The following TNPO1 variants were observed in gnomAD, a reference collection of about 807,000 sequenced individuals.
TNPO1 encodes transportin 1, also known as transportin-1.
In TNPO1, 8 loss-of-function variants were observed where a neutral mutation model predicts 119.5. The ratio of observed to expected loss-of-function variants is 0.07; its 90% CI spans 0.04 to 0.12. The LOEUF is 0.12. TNPO1 is among the 10% of genes least tolerant of loss of function. TNPO1 has a pLI of 1.00. For missense variants in TNPO1, 576 were observed against 1,089.8 expected (o/e 0.53, Z 6.64); for synonymous variants, 362 against 363.0 (o/e 1.00, Z 0.03).
chr5:72,876,861 G>A (rs1171566184), intron 8 of TNPO1, among the ~76,000 whole-genome samples: 2 of 152,056 alleles, frequency 1.3e-5, no homozygotes, highest in Non-Finnish European at 2.9e-5. Context: ...TTGGGAGGCC[G>A]AGGTGGGCAG....
intron 1 of TNPO1, among the ~76,000 whole-genome samples, chr5:72,827,125 T>TG (rs954999320): frequency 1.3e-5 from 2 of 151,930 alleles, no homozygotes; most frequent in African/African-American, 2.4e-5. Context: ...AATGTGAATA[T>TG]GGGGGAAAGA....
chr5:72,893,779 A>G, intron 18 of TNPO1, 76 bp downstream of exon 18: 1 of 1,318,228 alleles, frequency 7.6e-7, no homozygotes, highest in African/African-American at 1.5e-5. Context: ...TTTTATTATT[A>G]AACTGAAATT....
intron 11 of TNPO1, 129 bp downstream of exon 11, chr5:72,883,361 C>G: frequency 3.2e-6 from 2 of 627,294 alleles, no homozygotes. Context: ...ATTCAGAGAG[C>G]TGTTCAACCA....
intron 24 of TNPO1, among the ~76,000 whole-genome samples, chr5:72,908,067 A>C (rs1750296433): frequency 6.6e-6 from 1 of 152,024 alleles, no homozygotes; most frequent in Non-Finnish European, 1.5e-5. Flanking sequence ...ATAAATAAAT[A>C]AATGTTAAAT....
At chr5:72,848,873 C>G (rs1170723527) in intron 2 of TNPO1, among the ~76,000 whole-genome samples, 1 of 151,274 alleles carries the variant, frequency 6.6e-6, no homozygotes, top group Non-Finnish European at 1.5e-5. Flanking sequence ...CGGGAGCGGC[C>G]CGGGCCCACA....
chr5:72,866,965 A>G (rs1481191342), intron 6 of TNPO1, among the ~76,000 whole-genome samples: 1 of 152,072 alleles, frequency 6.6e-6, no homozygotes, highest in Non-Finnish European at 1.5e-5. Flanking sequence ...GCTTGAGGCC[A>G]GGAGTTAGAG....
chr5:72,901,328 A>T (rs1749784144), intron 22 of TNPO1, among the ~76,000 whole-genome samples: 1 of 151,984 alleles, frequency 6.6e-6, no homozygotes, highest in African/African-American at 2.4e-5. Context: ...GAATCAGGCC[A>T]TGGCTTCTTT....
chr5:72,893,032 A>G, intron 15 of TNPO1, 107 bp from the exon 16 acceptor site: 1 of 805,732 alleles, frequency 1.2e-6, no homozygotes, highest in East Asian at 2.5e-5. Flanking sequence ...AGAAACTAGT[A>G]GAGCAAGCTC....
rs1305026429 is a variant in TNPO1, at chr5:72,905,442, AG to A, written c.*35+1del. 6.7e-7 allele frequency: 1 copy of A among 1,482,434 alleles called. No individual in the cohort carries two copies. The highest frequency in any genetic ancestry group is 2.0e-5 in the Admixed American group (1 of 49,128). 91.8% of individuals were successfully genotyped at this position (1,482,434 alleles called of 1,614,324 possible). A position where few individuals can be genotyped will look rare whatever the true frequency, so the allele number is the denominator to read the frequency against. Reference sequence around the variant, plus strand: ...ACACTTAAGCTGCAGTCCCAAAATTAGGGGTAAGTTATAAGAAGTTTGGAAA... The same window carrying A: ...ACACTTAAGCTGCAGTCCCAAAATTAGGGTAAGTTATAAGAAGTTTGGAAA... On this transcript the variant is annotated splice_region_variant and 3_prime_UTR_variant, in exon 24 of 25. Transcript: ENST00000337273.
At chr5:72,901,939 G>A (rs1749824982) in intron 22 of TNPO1, among the ~76,000 whole-genome samples, 1 of 152,108 alleles carries the variant, frequency 6.6e-6, no homozygotes, top group Non-Finnish European at 1.5e-5. Flanking sequence ...AGCCAGGCTT[G>A]GTGGCAGGTG....
chr5:72,909,021 A>C lies in TNPO1; in HGVS notation c.*348A>C. On this transcript the variant is annotated 3_prime_UTR_variant, in exon 25 of 25. Transcript: ENST00000337273. ...ATATTATGGGGAATTGTACCAAAAC[A>C]AGAACCATATAAATGATGCCTAGGG... 2.9e-6 allele frequency: 1 copy of C among 345,392 alleles called. No individual in the cohort carries two copies. Among genetic ancestry groups the C allele is most frequent in the Non-Finnish European group, 5.9e-6 (1 of 170,742 alleles). 21.4% of individuals were successfully genotyped at this position (345,392 alleles called of 1,614,324 possible).
chr5:72,848,741 G>A (rs1020937619), intron 2 of TNPO1, among the ~76,000 whole-genome samples: 215 of 147,694 alleles, frequency 1.5e-3, no homozygotes, highest in African/African-American at 5.0e-3. Context: ...CAAGGCCACC[G>A]GCTTCCGGCG....
chr5:72,896,691 G>GA lies in TNPO1; in HGVS notation c.2242+138dup, dbSNP rs923280645. ...TTGAGACCAGCCTGGTTGACATGGT[G>GA]AAACCCCGTCTCTACTAAAAATACA... On this transcript the variant is annotated intron_variant, in intron 19 of 24. Coordinates refer to ENST00000337273, the MANE Select transcript of TNPO1 (RefSeq NM_002270.4). 8 of 594,184 alleles carry GA rather than the reference G, an allele frequency of 1.3e-5. No homozygotes were observed. The African/African-American group carries it at 1.4e-4, about 10-fold the overall frequency. The allele number at this position is 594,184 out of a possible 1,614,324, so 36.8% of individuals were successfully genotyped here. A position where few individuals can be genotyped will look rare whatever the true frequency, so the allele number is the denominator to read the frequency against.
At chr5:72,898,691 T>A (rs1749615589) in intron 20 of TNPO1, among the ~76,000 whole-genome samples, 1 of 152,168 alleles carries the variant, frequency 6.6e-6, no homozygotes, top group Non-Finnish European at 1.5e-5. Context: ...TGCACTGAAC[T>A]TTTTCAATGG....
chr5:72,893,123 A>T lies in TNPO1; in HGVS notation c.1789-16A>T, dbSNP rs764147129. The T allele has an allele frequency of 6.3e-7, 1 of 1,597,576 alleles. No homozygotes were observed. The highest frequency in any genetic ancestry group is 8.6e-7 in the Non-Finnish European group (1 of 1,168,864). Reference sequence around the variant, plus strand: ...TATACCCAGAAAGTTTAGCATGTGTACTTTATTCTTCCTAGTGCCTATCTT... The same window carrying T: ...TATACCCAGAAAGTTTAGCATGTGTTCTTTATTCTTCCTAGTGCCTATCTT... On this transcript the variant is annotated splice_polypyrimidine_tract_variant and intron_variant, in intron 15 of 24. Transcript: ENST00000337273.
chr5:72,893,652 C>G lies in TNPO1; in HGVS notation c.2092C>G (p.Leu698Val). The G allele has an allele frequency of 1.9e-6, 3 of 1,614,198 alleles. No homozygotes were observed. The highest frequency in any genetic ancestry group is 2.5e-6 in the Non-Finnish European group (3 of 1,180,034). ...MPEVRQSSFA[L>V]LGDLTKACFQ... ...AGAAGTTCGACAGAGTTCTTTTGCC[C>G]TGTTAGGTGACCTCACAAAAGCTTG... is the stretch of plus-strand genomic sequence containing the variant. Residue 698 changes from leucine (L) to valine (V), a missense_variant, in exon 18 of 25, where the codon CTG becomes GTG. Physicochemically the swap from Leu to Val is conservative, Grantham distance 32 (BLOSUM62 1). Coordinates refer to ENST00000337273, the MANE Select transcript of TNPO1 (RefSeq NM_002270.4).
At chr5:72,841,754 C>A (rs1207395108) in intron 1 of TNPO1, among the ~76,000 whole-genome samples, 2 of 151,998 alleles carry the variant, frequency 1.3e-5, no homozygotes, top group Non-Finnish European at 2.9e-5. Context: ...CCCTTCATAC[C>A]TGAACTTTGG....
chr5:72,903,456 G>T (rs191352901), intron 22 of TNPO1, among the ~76,000 whole-genome samples: 6 of 152,254 alleles, frequency 3.9e-5, no homozygotes. Context: ...TTGCACAGGG[G>T]GTTATTTTGT....
intron 1 of TNPO1, among the ~76,000 whole-genome samples, chr5:72,832,156 G>A: frequency 6.6e-6 from 1 of 152,144 alleles, no homozygotes; most frequent in East Asian, 1.9e-4. Flanking sequence ...GCTCAATATA[G>A]ATTGTTGAGT....
Sources: gnomAD v4.1 joint callset for allele counts (sites outside exome capture counted in the v4.1 genomes callset) on GRCh38, gnomAD v4.1.1 for gene constraint, MANE v1.5 for transcripts, NCBI Gene and HGNC (gene_info 2026-07-23, HGNC 2026-07-21) for gene names.